The following NELL1 variants were observed in gnomAD, a reference collection of about 807,000 sequenced individuals.
NELL1 encodes neural EGFL like 1.
Under a neutral mutation model 107.4 loss-of-function variants are expected in NELL1, and 76 were observed. The observed-to-expected ratio is 0.71, with a 90% CI of 0.59 to 0.86. NELL1 has a LOEUF of 0.86. NELL1 is among the 40% of genes least tolerant of loss of function. The pLI, the probability that NELL1 is intolerant of heterozygous loss-of-function variation, is 0.00. For synonymous variants in NELL1, 353 were observed against 341.2 expected (o/e 1.03, Z -0.38); for missense variants, 1,024 against 1,005.5 (o/e 1.02, Z -0.25).
rs113516218 is a variant in NELL1 at position 20,708,631 on chromosome 11, G to A, written c.184+30571G>A. 2.4e-3 allele frequency among the ~76,000 whole-genome samples: 371 copies of A among 152,064 alleles called. 3 individuals are homozygous for A. Among genetic ancestry groups the A allele is most frequent in the Non-Finnish European group, 4.4e-3 (301 of 68,004 alleles). The stretch of plus-strand genomic sequence containing the variant: ...TGTAGAGTCTGGATATTAGTTCTTT[G>A]TCAGATGCATAATTTGTGAATATTT... On this transcript the variant is annotated intron_variant, in intron 2 of 19. Transcript: ENST00000357134.
chr11:21,425,640 G>C (rs1852802170), intron 15 of NELL1, among the ~76,000 whole-genome samples: 1 of 152,160 alleles, frequency 6.6e-6, no homozygotes, highest in African/African-American at 2.4e-5. Flanking sequence ...TTGTGCTATA[G>C]AGCCCCGAGA....
chr11:21,105,137 C>T (rs985040464), intron 12 of NELL1, among the ~76,000 whole-genome samples: 1 of 152,120 alleles, frequency 6.6e-6, no homozygotes, highest in Non-Finnish European at 1.5e-5. Flanking sequence ...GCATCATTGT[C>T]TGGGGTAAAT....
At chr11:20,926,940 A>T in intron 7 of NELL1, 1 of 167,078 alleles carries the variant, frequency 6.0e-6, no homozygotes, top group Admixed American at 6.2e-5. Flanking sequence ...AGTGCCTCGG[A>T]GTTCCTGATT....
At chr11:21,380,005 C>T (rs1184662884) in intron 15 of NELL1, among the ~76,000 whole-genome samples, 1 of 152,048 alleles carries the variant, frequency 6.6e-6, no homozygotes, top group Admixed American at 6.6e-5. Context: ...TATTCTATTT[C>T]CTCTCCAGTT....
At position 21,417,380 on chromosome 11, in the gene NELL1, A is replaced by AAAG. The variant is rs539104462; in HGVS notation, c.1645+46433_1645+46435dup. Among the ~76,000 whole-genome samples the AAAG allele has an allele frequency of 1.1e-3, 169 of 152,034 alleles. 2 individuals are homozygous for AAAG. The highest frequency in any genetic ancestry group is 3.9e-3 in the African/African-American group (160 of 41,500). On this transcript the variant is annotated intron_variant, in intron 15 of 19. Transcript: ENST00000357134. ...CTAGGAATCTTTTTATTCATTATTCAAAGTTGTTTATATTTTTCATGTATT... is the reference window on the plus strand; with the variant it reads ...CTAGGAATCTTTTTATTCATTATTCAAAGAAGTTGTTTATATTTTTCATGTATT...
intron 12 of NELL1, among the ~76,000 whole-genome samples, chr11:21,103,037 C>T (rs578068893): frequency 2.0e-5 from 3 of 152,238 alleles, no homozygotes; most frequent in East Asian, 1.9e-4. Flanking sequence ...GAAAAAGTAA[C>T]GTAACTAGTC....
intron 13 of NELL1, among the ~76,000 whole-genome samples, chr11:21,191,233 G>C (rs940070677): frequency 6.6e-6 from 1 of 151,750 alleles, no homozygotes; most frequent in Admixed American, 6.6e-5. Context: ...TTCTGGGTGG[G>C]ATCAATTTAG....
intron 13 of NELL1, among the ~76,000 whole-genome samples, chr11:21,209,331 T>A (rs1250060911): frequency 6.9e-6 from 1 of 145,186 alleles, no homozygotes; most frequent in African/African-American, 2.5e-5. Context: ...TATGTATATA[T>A]TATATATATA....
At chr11:20,691,677 T>G (rs1854470239) in intron 2 of NELL1, among the ~76,000 whole-genome samples, 1 of 151,964 alleles carries the variant, frequency 6.6e-6, no homozygotes, top group South Asian at 2.1e-4. Flanking sequence ...GCTGCTGGAT[T>G]TGGTTTGCCA....
chr11:20,959,986 TC>T (rs1454085360), intron 11 of NELL1, among the ~76,000 whole-genome samples: 3 of 152,278 alleles, frequency 2.0e-5, no homozygotes, highest in Admixed American at 1.3e-4. Context: ...AGGATAGTTA[TC>T]TCTAGTGGCT....
At chr11:21,382,144 G>A (rs891442768) in intron 15 of NELL1, among the ~76,000 whole-genome samples, 2 of 151,598 alleles carry the variant, frequency 1.3e-5, no homozygotes, top group East Asian at 3.9e-4. Context: ...TCTCAATTTG[G>A]CATCAGGAAA....
At chr11:21,278,871 G>C (rs1357512086) in intron 14 of NELL1, among the ~76,000 whole-genome samples, 1 of 152,172 alleles carries the variant, frequency 6.6e-6, no homozygotes, top group African/African-American at 2.4e-5. Flanking sequence ...ACTACCAGAT[G>C]TGAAGACTTA....
chr11:21,333,437 T>C (rs959785684), intron 14 of NELL1, among the ~76,000 whole-genome samples: 2 of 152,122 alleles, frequency 1.3e-5, no homozygotes, highest in African/African-American at 4.8e-5. Context: ...GATTAAAAGA[T>C]GAAGATGCAG....
intron 15 of NELL1, among the ~76,000 whole-genome samples, chr11:21,465,291 T>C (rs1853999866): frequency 6.6e-6 from 1 of 152,092 alleles, no homozygotes; most frequent in Non-Finnish European, 1.5e-5. Flanking sequence ...TACAAAGTAT[T>C]GGCAGCTAAA....
At chr11:21,183,627 A>T (rs1856873339) in intron 13 of NELL1, among the ~76,000 whole-genome samples, 1 of 151,880 alleles carries the variant, frequency 6.6e-6, no homozygotes, top group African/African-American at 2.4e-5. Context: ...GCTCTGGCCT[A>T]TAAAACGCAG....
chr11:21,256,639 A>T (rs907578689), intron 14 of NELL1, among the ~76,000 whole-genome samples: 5 of 152,066 alleles, frequency 3.3e-5, no homozygotes, highest in African/African-American at 1.2e-4. Context: ...TAAGATGTGG[A>T]GGCTGTTGCC....
chr11:21,032,336 T>G (rs1565024418), intron 12 of NELL1, among the ~76,000 whole-genome samples: 1 of 152,088 alleles, frequency 6.6e-6, no homozygotes, highest in Non-Finnish European at 1.5e-5. Context: ...CTTAACAAAA[T>G]CTAAATATAT....
At chr11:21,119,366 C>A (rs967274265) in intron 13 of NELL1, among the ~76,000 whole-genome samples, 2 of 139,360 alleles carry the variant, frequency 1.4e-5, no homozygotes, top group Non-Finnish European at 1.5e-5. Flanking sequence ...TCTTACCCAA[C>A]ATTTTTCTTG....
chr11:20,746,175 A>G (rs1207602282), intron 2 of NELL1, among the ~76,000 whole-genome samples: 1 of 152,164 alleles, frequency 6.6e-6, no homozygotes, highest in African/African-American at 2.4e-5. Context: ...GATACTCCCT[A>G]TCTTTTGACA....
Sources: gnomAD v4.1 joint callset for allele counts (sites outside exome capture counted in the v4.1 genomes callset) on GRCh38, gnomAD v4.1.1 for gene constraint, MANE v1.5 for transcripts, NCBI Gene and HGNC (gene_info 2026-07-23, HGNC 2026-07-21) for gene names.